Variants in NCOA3 observed in about 807,000 individuals in gnomAD.
The protein encoded by NCOA3 is CBP-interacting protein.
In NCOA3, 51 loss-of-function variants were observed where a neutral mutation model predicts 158.8. The observed-to-expected ratio is 0.32, with a 90% CI of 0.26 to 0.41. The LOEUF is 0.41. Ranked by LOEUF, NCOA3 falls within the 10% of genes least tolerant of loss-of-function variation. The probability of loss-of-function intolerance (pLI) is 1.00; values close to 1 mark genes in which losing one functional copy is unlikely to be tolerated. For missense variants in NCOA3, 1,510 were observed against 1,746.6 expected (o/e 0.86, Z 2.41); for synonymous variants, 537 against 592.4 (o/e 0.91, Z 1.36).
At chr20:47,544,519 G>A (rs1297768161) in intron 1 of NCOA3, among the ~76,000 whole-genome samples, 1 of 151,584 alleles carries the variant, frequency 6.6e-6, no homozygotes, top group Non-Finnish European at 1.5e-5. Flanking sequence ...TTTGTATTTT[G>A]TTTTAGATGT....
chr20:47,592,002 TCTC>T (rs1301231315), intron 2 of NCOA3, among the ~76,000 whole-genome samples: 3 of 152,148 alleles, frequency 2.0e-5, no homozygotes, highest in Admixed American at 2.0e-4. Flanking sequence ...TCAATTTAAT[TCTC>T]CTTCCTCTGG....
At chr20:47,574,729 A>G (rs1366237921) in intron 1 of NCOA3, among the ~76,000 whole-genome samples, 1 of 152,152 alleles carries the variant, frequency 6.6e-6, no homozygotes, top group Non-Finnish European at 1.5e-5. Flanking sequence ...CTTCCTTTGT[A>G]TACGCTTTGC....
chr20:47,630,386 A>G (rs2086393520), intron 8 of NCOA3: 2 of 152,066 alleles, frequency 1.3e-5, no homozygotes, highest in Admixed American at 1.3e-4. Context: ...AGTTTTCCCA[A>G]ACCAAACTTG....
intron 16 of NCOA3, among the ~76,000 whole-genome samples, chr20:47,641,140 CAG>C (rs11468722): frequency 0.11 from 16,325 of 152,020 alleles, 1,136 homozygotes; most frequent in Middle Eastern, 0.18. Flanking sequence ...TTCAAGTTAA[CAG>C]AACTTTTCTG....
chr20:47,508,183 A>G (rs2084059200), intron 1 of NCOA3, among the ~76,000 whole-genome samples: 2 of 152,196 alleles, frequency 1.3e-5, no homozygotes, highest in Admixed American at 6.5e-5. Flanking sequence ...CCAGAAATAT[A>G]CTTCTTTCTG....
At chr20:47,569,435 T>C (rs970638875) in intron 1 of NCOA3, among the ~76,000 whole-genome samples, 1 of 152,036 alleles carries the variant, frequency 6.6e-6, no homozygotes, top group Non-Finnish European at 1.5e-5. Flanking sequence ...ATCCCAGCAC[T>C]TGGGGAGGCT....
Position 47,505,007 on chromosome 20 carries a change from T to TG in NCOA3, c.-99+2988_-99+2989insG, listed in dbSNP as rs1184293131. 3.6e-3 allele frequency among the ~76,000 whole-genome samples: 339 copies of TG among 95,482 alleles called. 1 individual carries two copies. The highest frequency in any genetic ancestry group is 9.8e-3 in the Middle Eastern group (2 of 204). The allele number at this position is 95,482 out of a possible 152,430, so 62.6% of individuals were successfully genotyped here. A position where few individuals can be genotyped will look rare whatever the true frequency, so the allele number is the denominator to read the frequency against. On this transcript the variant is annotated intron_variant, in intron 1 of 22. Coordinates refer to ENST00000371998, the MANE Select transcript of NCOA3 (RefSeq NM_181659.3). ...ATAAATGGCTTTGGGTTTTTGGTTT[T>TG]TTTTTTTTTTTTTTTTTTTTTTGCG...
At chr20:47,521,896 A>C (rs1479762285) in intron 1 of NCOA3, among the ~76,000 whole-genome samples, 2 of 152,144 alleles carry the variant, frequency 1.3e-5, no homozygotes, top group East Asian at 3.9e-4. Context: ...ATTTCCATAT[A>C]ATTGCTAGAA....
chr20:47,535,253 G>A (rs767754302), intron 1 of NCOA3, among the ~76,000 whole-genome samples: 1 of 152,158 alleles, frequency 6.6e-6, no homozygotes, highest in Non-Finnish European at 1.5e-5. Context: ...CAGACGGACA[G>A]GTCGTGAGGA....
intron 16 of NCOA3, among the ~76,000 whole-genome samples, chr20:47,640,683 A>G (rs1171518768): frequency 6.6e-6 from 1 of 150,436 alleles, no homozygotes; most frequent in East Asian, 1.9e-4. Flanking sequence ...GATCGAGACT[A>G]TCCTGGCTAA....
At chr20:47,604,660 ACTCCTGGG>A (rs2085915208) in intron 2 of NCOA3, among the ~76,000 whole-genome samples, 1 of 152,038 alleles carries the variant, frequency 6.6e-6, no homozygotes. Context: ...CTGGTCTCAA[ACTCCTGGG>A]CTCAAGTGAG....
chr20:47,508,387 A>G (rs1301979331), intron 1 of NCOA3, among the ~76,000 whole-genome samples: 1 of 152,248 alleles, frequency 6.6e-6, no homozygotes, highest in East Asian at 1.9e-4. Context: ...AAGCAACCCA[A>G]GCAGTGTTTT....
intron 2 of NCOA3, among the ~76,000 whole-genome samples, chr20:47,600,814 C>CAAA (rs376125255): frequency 5.5e-5 from 4 of 73,046 alleles, no homozygotes; most frequent in African/African-American, 2.2e-4. Context: ...CTGTCCCTGG[C>CAAA]AAAAAAAAAA....
chr20:47,547,636 T>G (rs992995000), intron 1 of NCOA3, among the ~76,000 whole-genome samples: 5 of 151,938 alleles, frequency 3.3e-5, no homozygotes, highest in Non-Finnish European at 7.4e-5. Context: ...GCCAGGATAG[T>G]CTCGATCTCC....
chr20:47,532,878 C>T (rs2064085), intron 1 of NCOA3, among the ~76,000 whole-genome samples: 9,794 of 151,240 alleles, frequency 0.065, 477 homozygotes, highest in Middle Eastern at 0.17. Flanking sequence ...CTGAGGCGGG[C>T]GGATCACTTG....
intron 8 of NCOA3, among the ~76,000 whole-genome samples, chr20:47,629,705 A>G (rs966474287): frequency 6.6e-6 from 1 of 152,156 alleles, no homozygotes. Flanking sequence ...CAATTGTTAT[A>G]TATTATTTTA....
At chr20:47,545,629 T>G (rs1301394010) in intron 1 of NCOA3, among the ~76,000 whole-genome samples, 1 of 149,102 alleles carries the variant, frequency 6.7e-6, no homozygotes, top group Non-Finnish European at 1.5e-5. Context: ...CTTAGTGCTG[T>G]TTTTTTTTTA....
At chr20:47,512,383 A>G (rs1176143337) in intron 1 of NCOA3, among the ~76,000 whole-genome samples, 2 of 151,866 alleles carry the variant, frequency 1.3e-5, no homozygotes, top group Non-Finnish European at 2.9e-5. Flanking sequence ...ATCCTGGCCA[A>G]CATGGTGAGA....
chr20:47,563,856 T>A (rs2085147776), intron 1 of NCOA3, among the ~76,000 whole-genome samples: 1 of 143,718 alleles, frequency 7.0e-6, no homozygotes, highest in Admixed American at 7.4e-5. Flanking sequence ...GCCACTGCAC[T>A]GTAGCCTGGG....
Sources: gnomAD v4.1 joint callset for allele counts (sites outside exome capture counted in the v4.1 genomes callset) on GRCh38, gnomAD v4.1.1 for gene constraint, MANE v1.5 for transcripts, NCBI Gene and HGNC (gene_info 2026-07-23, HGNC 2026-07-21) for gene names.